Variants in KHDRBS2 observed in about 807,000 individuals in gnomAD.
The protein encoded by KHDRBS2 is KH RNA binding domain containing, signal transduction associated 2.
Under a neutral mutation model 44.3 loss-of-function variants are expected in KHDRBS2, and 26 were observed. That is an observed-to-expected ratio of 0.59 (90% confidence interval 0.43 to 0.81). The LOEUF (loss-of-function observed/expected upper bound fraction) is 0.81, where lower values mean the gene tolerates loss of function less well. Among genes scored for constraint, KHDRBS2 ranks in the 40% least tolerant of loss-of-function variants. KHDRBS2 has a pLI of 0.00. For synonymous variants in KHDRBS2, 194 were observed against 151.1 expected (o/e 1.28, Z -2.08); for missense variants, 476 against 433.1 (o/e 1.10, Z -0.88).
At chr6:61,720,311 T>A (rs1322000570) in intron 7 of KHDRBS2, among the ~76,000 whole-genome samples, 1 of 152,144 alleles carries the variant, frequency 6.6e-6, no homozygotes, top group African/African-American at 2.4e-5. Context: ...GATGGCTGGG[T>A]CAAATGGTAT....
the KHDRBS2 span, among the ~76,000 whole-genome samples, chr6:61,545,509 GTGT>G: frequency 6.6e-6 from 1 of 151,426 alleles, no homozygotes; most frequent in African/African-American, 2.4e-5. Flanking sequence ...CTCTGTGTGT[GTGT>G]GTGTGTGTGT....
the KHDRBS2 span, among the ~76,000 whole-genome samples, chr6:61,638,093 A>C: frequency 7.9e-5 from 12 of 152,138 alleles, no homozygotes; most frequent in African/African-American, 2.7e-4. Context: ...AAGGTAATTT[A>C]CAGATTCAAT....
the KHDRBS2 span, among the ~76,000 whole-genome samples, chr6:61,592,462 T>C: frequency 7.6e-3 from 1,159 of 152,096 alleles, 13 homozygotes; most frequent in African/African-American, 0.026. Context: ...TCAGAAAGAA[T>C]AGATGGAAGC....
rs1562513950 is a variant in KHDRBS2 at position 61,954,856 on chromosome 6, G to GTGTATATATATGTA, written c.483+23209_483+23210insTACATATATATACA. ...CATATGTATGTATACATATGCATGT[G>GTGTATATATATGTA]TATATACACATACATATGTGTATAT... On this transcript the variant is annotated intron_variant, in intron 4 of 8. Coordinates refer to ENST00000281156, the MANE Select transcript of KHDRBS2 (RefSeq NM_152688.4). 4.2e-4 allele frequency among the ~76,000 whole-genome samples: 17 copies of GTGTATATATATGTA among 40,810 alleles called. 1 individual carries two copies. The East Asian group carries it at 4.9e-3, about 12-fold the overall frequency. The allele number at this position is 40,810 out of a possible 152,430, so 26.8% of individuals were successfully genotyped here.
chr6:61,664,545 T>C, the KHDRBS2 span, among the ~76,000 whole-genome samples: 2 of 151,752 alleles, frequency 1.3e-5, no homozygotes, highest in Non-Finnish European at 2.9e-5. Flanking sequence ...ATACATATTT[T>C]AACAGAACTG....
At chr6:61,547,457 T>C in the KHDRBS2 span, among the ~76,000 whole-genome samples, 1 of 152,160 alleles carries the variant, frequency 6.6e-6, no homozygotes, top group Admixed American at 6.6e-5. Flanking sequence ...CTTAAAGATA[T>C]GTAACTAAAT....
intron 7 of KHDRBS2, among the ~76,000 whole-genome samples, chr6:61,717,607 T>A (rs963847533): frequency 6.6e-6 from 1 of 152,126 alleles, no homozygotes; most frequent in African/African-American, 2.4e-5. Flanking sequence ...TAGTGAATAG[T>A]GCCACTTAAA....
intron 6 of KHDRBS2, among the ~76,000 whole-genome samples, chr6:61,765,391 C>T (rs1168160784): frequency 6.6e-6 from 1 of 152,056 alleles, no homozygotes. Flanking sequence ...TTTGAGGTTA[C>T]AATGAGCTCT....
intron 6 of KHDRBS2, among the ~76,000 whole-genome samples, chr6:61,804,842 G>A (rs947697044): frequency 8.5e-5 from 13 of 152,238 alleles, no homozygotes; most frequent in South Asian, 2.1e-4. Context: ...CATTTGTTTC[G>A]TCTTAGGCCT....
intron 2 of KHDRBS2, among the ~76,000 whole-genome samples, chr6:62,143,368 T>C (rs1194566676): frequency 6.6e-6 from 1 of 152,004 alleles, no homozygotes; most frequent in East Asian, 1.9e-4. Flanking sequence ...TTATAGTAGA[T>C]AAACTATTTT....
intron 3 of KHDRBS2, among the ~76,000 whole-genome samples, chr6:62,045,750 T>A (rs1373685055): frequency 6.6e-6 from 1 of 151,910 alleles, no homozygotes; most frequent in Non-Finnish European, 1.5e-5. Flanking sequence ...TTATGTAAAA[T>A]CTTCTTTCCT....
chr6:62,007,402 G>GT (rs112517639), intron 3 of KHDRBS2, among the ~76,000 whole-genome samples: 2,337 of 144,956 alleles, frequency 0.016, 31 homozygotes, highest in African/African-American at 0.036. Flanking sequence ...ACATTTTGAT[G>GT]TTTTTTTTTT....
At chr6:62,215,304 A>G (rs1297457671) in intron 1 of KHDRBS2, among the ~76,000 whole-genome samples, 1 of 151,906 alleles carries the variant, frequency 6.6e-6, no homozygotes, top group Non-Finnish European at 1.5e-5. Flanking sequence ...AGTGTTGCCC[A>G]TTACAATCCA....
the KHDRBS2 span, among the ~76,000 whole-genome samples, chr6:61,569,715 C>T: frequency 1.3e-5 from 2 of 152,174 alleles, no homozygotes; most frequent in African/African-American, 4.8e-5. Context: ...CTGGTATCTA[C>T]AGCTAGAAGA....
chr6:61,949,823 TA>T (rs1372930225), intron 4 of KHDRBS2, among the ~76,000 whole-genome samples: 2 of 152,104 alleles, frequency 1.3e-5, no homozygotes, highest in East Asian at 3.8e-4. Flanking sequence ...TATATCTTCC[TA>T]AAAACAAAAA....
rs1304347072 is a variant in KHDRBS2, at chr6:61,716,562, TA to T, written c.893+16119del. On this transcript the variant is annotated intron_variant, in intron 7 of 8. Coordinates refer to ENST00000281156, the MANE Select transcript of KHDRBS2 (RefSeq NM_152688.4). ...CAAGCATTACTGACCTTCATTTTTTTAAAAAAACCTAGGCTACATGGCCACA... is the reference window on the plus strand; with the variant it reads ...CAAGCATTACTGACCTTCATTTTTTTAAAAAACCTAGGCTACATGGCCACA... Among the ~76,000 whole-genome samples, 4 of 152,146 alleles carry T rather than the reference TA, an allele frequency of 2.6e-5. No individual in the cohort carries two copies. In the South Asian group the frequency reaches 8.3e-4, roughly 32 times the overall value.
At chr6:61,939,582 G>A (rs775665422) in intron 4 of KHDRBS2, among the ~76,000 whole-genome samples, 4 of 152,062 alleles carry the variant, frequency 2.6e-5, no homozygotes, top group African/African-American at 4.8e-5. Context: ...TAATGTCATA[G>A]AAATTTGGAA....
intron 2 of KHDRBS2, among the ~76,000 whole-genome samples, chr6:62,054,770 C>A (rs1789886249): frequency 6.6e-6 from 1 of 152,004 alleles, no homozygotes. Context: ...CTGCAGACAC[C>A]TGGATTTCAG....
the KHDRBS2 span, among the ~76,000 whole-genome samples, chr6:61,671,106 C>T: frequency 1.3e-4 from 19 of 151,546 alleles, no homozygotes; most frequent in African/African-American, 3.6e-4. Context: ...TTAGAGGATA[C>T]GAAATATGGT....
Sources: gnomAD v4.1 joint callset for allele counts (sites outside exome capture counted in the v4.1 genomes callset) on GRCh38, gnomAD v4.1.1 for gene constraint, MANE v1.5 for transcripts, NCBI Gene and HGNC (gene_info 2026-07-23, HGNC 2026-07-21) for gene names.